POLR1E: variants seen among roughly 807,000 people sequenced by gnomAD.
The protein encoded by POLR1E is RNA polymerase I subunit E.
In POLR1E, 37 loss-of-function variants were observed where a neutral mutation model predicts 50.9. The observed-to-expected ratio is 0.73, with a 90% CI of 0.56 to 0.96. POLR1E has a LOEUF of 0.96. POLR1E is among the 40% of genes least tolerant of loss of function. The pLI is 0.00. For missense variants in POLR1E, 426 were observed against 518.1 expected (o/e 0.82, Z 1.73); for synonymous variants, 166 against 191.6 (o/e 0.87, Z 1.10).
intron 4 of POLR1E, chr9:37,490,479 C>A: frequency 1.1e-6 from 1 of 885,586 alleles, no homozygotes; most frequent in South Asian, 1.3e-5. Context: ...CCCATTGGTT[C>A]TCACCAAGTG....
chr9:37,486,481 T>C, intron 1 of POLR1E: 1 of 1,551,984 alleles, frequency 6.4e-7, no homozygotes, highest in East Asian at 2.4e-5. Flanking sequence ...CCGCGAGACA[T>C]TCCCTCCTGT....
chr9:37,493,697 G>A lies in POLR1E; in HGVS notation c.541G>A (p.Val181Met), dbSNP rs1397674141. ...AGAGACTATCATTGATACGAAGGGT[G>A]TGACTGGTAAGAAGTTGGAACTTGG... ...AAETIIDTKG[V>M]TALVSDAIHN... The change falls in exon 6 of 12, where the codon GTG becomes ATG. Residue 181 changes from valine to methionine, a missense_variant. Physicochemically the swap from Val to Met is conservative, Grantham distance 21. Transcript: ENST00000377798. 3 of 1,544,316 alleles carry A rather than the reference G, an allele frequency of 1.9e-6. No individual in the cohort carries two copies. Among genetic ancestry groups the A allele is most frequent in the African/African-American group, 2.7e-5 (2 of 72,766 alleles).
chr9:37,498,894 C>T (rs1431641669), intron 9 of POLR1E, among the ~76,000 whole-genome samples: 2 of 152,236 alleles, frequency 1.3e-5, no homozygotes, highest in East Asian at 3.9e-4. Context: ...GGGATATGTT[C>T]TGAGAAATGT....
intron 1 of POLR1E, 165 bp from the exon 2 acceptor site, chr9:37,486,538 A>G: frequency 6.4e-7 from 1 of 1,573,144 alleles, no homozygotes; most frequent in Non-Finnish European, 8.6e-7. Context: ...TCCTCTTCTC[A>G]GCTGGCCCCG....
intron 3 of POLR1E, 41 bp from the exon 4 acceptor site, chr9:37,489,274 G>A (rs767227580): frequency 7.4e-7 from 1 of 1,351,114 alleles, no homozygotes; most frequent in Admixed American, 2.2e-5. Flanking sequence ...TAATGCTTTT[G>A]AATAATCCAT....
rs1448559257 is a variant in POLR1E at position 37,486,044 on chromosome 9, C to T, written c.-4C>T. The T allele has an allele frequency of 2.5e-6, 4 of 1,598,706 alleles. No homozygotes were observed. In the East Asian group the frequency reaches 6.8e-5, roughly 27 times the overall value. ...CTCCTGTGCTTGGCGGACAGACAGG[C>T]GAGATGGCGGCGGAGGTGTTGCCGA... On this transcript the variant is annotated 5_prime_UTR_variant, in exon 1 of 12. Transcript: ENST00000377798.
chr9:37,486,367 C>T, intron 1 of POLR1E: 5 of 1,477,816 alleles, frequency 3.4e-6, no homozygotes, highest in African/African-American at 1.4e-5. Context: ...TGCTGACCCC[C>T]TCACCCACCA....
intron 4 of POLR1E, among the ~76,000 whole-genome samples, chr9:37,491,869 C>T (rs1340320022): frequency 6.6e-6 from 1 of 152,198 alleles, no homozygotes; most frequent in Non-Finnish European, 1.5e-5. Flanking sequence ...TTTAAATCAT[C>T]TTCCAACTGT....
chr9:37,498,305 G>A, intron 9 of POLR1E, 81 bp downstream of exon 9: 2 of 1,392,522 alleles, frequency 1.4e-6, no homozygotes, highest in Non-Finnish European at 9.9e-7. Flanking sequence ...TCTGATGAGA[G>A]AAGAAAATGG....
At chr9:37,490,533 G>A (rs1266909564) in intron 4 of POLR1E, 9 of 756,774 alleles carry the variant, frequency 1.2e-5, no homozygotes, top group East Asian at 2.5e-5. Context: ...TTGAACCCAG[G>A]TACCTTTCTC....
chr9:37,486,373 C>A, intron 1 of POLR1E: 1 of 1,489,026 alleles, frequency 6.7e-7, no homozygotes, highest in African/African-American at 1.4e-5. Flanking sequence ...CCCCCTCACC[C>A]ACCAGGTCTC....
At chr9:37,496,486 T>C (rs189047523) in intron 8 of POLR1E, among the ~76,000 whole-genome samples, 25 of 152,084 alleles carry the variant, frequency 1.6e-4, no homozygotes, top group Non-Finnish European at 3.2e-4. Context: ...TAGTGAGTTT[T>C]TTTTGCTTTT....
At chr9:37,500,981 T>C (rs1820878208) in intron 10 of POLR1E, 60 bp downstream of exon 10, 1 of 1,462,306 alleles carries the variant, frequency 6.8e-7, no homozygotes, top group Admixed American at 1.7e-5. Flanking sequence ...GGGTTGGGAG[T>C]GAGGAGCAGG....
At chr9:37,497,346 C>T (rs1004188290) in intron 8 of POLR1E, among the ~76,000 whole-genome samples, 1 of 152,184 alleles carries the variant, frequency 6.6e-6, no homozygotes, top group African/African-American at 2.4e-5. Context: ...CAGAGTGAGA[C>T]TCAGTCTCAA....
intron 1 of POLR1E, 49 bp from the exon 2 acceptor site, chr9:37,486,654 A>G (rs1820583548): frequency 1.2e-6 from 2 of 1,612,670 alleles, no homozygotes; most frequent in East Asian, 2.2e-5. Flanking sequence ...TGTGTGGTAC[A>G]TTGTGTGGCC....
chr9:37,494,549 T>C (rs1481201019), intron 6 of POLR1E, among the ~76,000 whole-genome samples: 1 of 152,174 alleles, frequency 6.6e-6, no homozygotes, highest in Non-Finnish European at 1.5e-5. Context: ...GTGATCCTCC[T>C]ACTTCAGCCT....
In POLR1E at chr9:37,500,011, C is replaced by T. The variant is rs183755708; in HGVS notation, c.887-829C>T. ...GATTATAGGCGCCCGCCACCACACC[C>T]GGCTAATTTTTGTATTTTTAGTAGA... On this transcript the variant is annotated intron_variant, in intron 9 of 11. Transcript: ENST00000377798. Among the ~76,000 whole-genome samples, 894 of 150,980 alleles carry T rather than the reference C, an allele frequency of 5.9e-3. 10 individuals carry two copies. Among genetic ancestry groups the T allele is most frequent in the Middle Eastern group, 0.049 (14 of 284 alleles).
At position 37,487,850 on chromosome 9, in the gene POLR1E, C is replaced by G. The variant is rs1467853182; in HGVS notation, c.181-13C>G. 3.1e-6 allele frequency: 5 copies of G among 1,613,622 alleles called. No homozygotes were observed. The Admixed American group carries it at 6.7e-5, about 22-fold the overall frequency. Reference sequence around the variant, plus strand: ...ATTGGTTGTAAATGGAGTTTCCCCTCTCTGCATTTTAGGCAGCTGAAACAG... The same window carrying G: ...ATTGGTTGTAAATGGAGTTTCCCCTGTCTGCATTTTAGGCAGCTGAAACAG... On this transcript the variant is annotated splice_polypyrimidine_tract_variant and intron_variant, in intron 2 of 11. Transcript: ENST00000377798.
chr9:37,488,102 G>T (rs1050095152), intron 3 of POLR1E, among the ~76,000 whole-genome samples, 163 bp downstream of exon 3: 1 of 152,220 alleles, frequency 6.6e-6, no homozygotes, highest in South Asian at 2.1e-4. Flanking sequence ...TTCCCTGCAC[G>T]TGTAGACGTT....
Sources: allele counts gnomAD v4.1 joint callset (sites outside exome capture counted in the v4.1 genomes callset), GRCh38; gene constraint gnomAD v4.1.1; transcripts MANE v1.5; gene names NCBI Gene and HGNC (gene_info 2026-07-23, HGNC 2026-07-21).